FILIP1L: variants seen among roughly 807,000 people sequenced by gnomAD.
The protein encoded by FILIP1L is filamin A interacting protein 1 like.
A neutral mutation model predicts 96.6 loss-of-function variants in FILIP1L; 55 were observed. That is an observed-to-expected ratio of 0.57 (90% CI 0.46 to 0.71). The LOEUF (loss-of-function observed/expected upper bound fraction) is 0.71, where lower values mean the gene tolerates loss of function less well. Ranked by LOEUF, FILIP1L falls within the 30% of genes least tolerant of loss-of-function variation. The pLI, the probability that FILIP1L is intolerant of heterozygous loss-of-function variation, is 0.00. For synonymous variants in FILIP1L, 467 were observed against 473.9 expected (o/e 0.99, Z 0.19); for missense variants, 1,304 against 1,321.2 (o/e 0.99, Z 0.20).
intron 1 of FILIP1L, among the ~76,000 whole-genome samples, chr3:100,078,915 A>G (rs979963618): frequency 6.6e-6 from 1 of 152,106 alleles, no homozygotes; most frequent in African/African-American, 2.4e-5. Flanking sequence ...AAAAGATTGC[A>G]AAAAATCTCA....
chr3:100,070,034 G>T (rs1007348808), intron 1 of FILIP1L, among the ~76,000 whole-genome samples: 2 of 151,946 alleles, frequency 1.3e-5, no homozygotes, highest in East Asian at 3.9e-4. Flanking sequence ...AAACTCATGC[G>T]TTAAAAATTA....
At chr3:99,984,936 A>C (rs944178711) in intron 1 of FILIP1L, among the ~76,000 whole-genome samples, 1 of 152,218 alleles carries the variant, frequency 6.6e-6, no homozygotes, top group Non-Finnish European at 1.5e-5. Flanking sequence ...CCCAGGTTAA[A>C]TAAACTGAGG....
intron 1 of FILIP1L, among the ~76,000 whole-genome samples, chr3:100,032,414 T>C (rs1349840719): frequency 6.6e-6 from 1 of 152,184 alleles, no homozygotes; most frequent in East Asian, 1.9e-4. Flanking sequence ...GAGCTTGCCA[T>C]AAGGTATGCA....
chr3:99,961,242 A>G (rs4075038), intron 1 of FILIP1L, among the ~76,000 whole-genome samples: 123,895 of 152,172 alleles, frequency 0.81, 50,766 homozygotes, highest in African/African-American at 0.91. Flanking sequence ...TGCCTCTTGC[A>G]GGTGTTATCC....
chr3:99,894,094 G>A (rs530568351), intron 4 of FILIP1L, among the ~76,000 whole-genome samples: 10 of 152,260 alleles, frequency 6.6e-5, no homozygotes, highest in African/African-American at 2.4e-4. Flanking sequence ...GATACTCAAA[G>A]TTTTTTTGTG....
At chr3:99,998,666 G>C (rs531404800) in intron 1 of FILIP1L, among the ~76,000 whole-genome samples, 2 of 152,102 alleles carry the variant, frequency 1.3e-5, no homozygotes, top group Non-Finnish European at 2.9e-5. Flanking sequence ...GGGTTCACGC[G>C]ATTCTCCCGC....
At chr3:99,871,670 G>T (rs1944792908) in intron 4 of FILIP1L, among the ~76,000 whole-genome samples, 1 of 152,144 alleles carries the variant, frequency 6.6e-6, no homozygotes, top group Non-Finnish European at 1.5e-5. Context: ...GATCCTGCTA[G>T]CTGCGGACGT....
intron 1 of FILIP1L, among the ~76,000 whole-genome samples, chr3:99,937,158 G>A (rs953575531): frequency 3.3e-5 from 5 of 151,738 alleles, no homozygotes; most frequent in Non-Finnish European, 5.9e-5. Context: ...GGCTGGTCTC[G>A]AACTCCTGAC....
chr3:99,918,299 T>A (rs1312134259), intron 4 of FILIP1L, among the ~76,000 whole-genome samples: 1 of 152,134 alleles, frequency 6.6e-6, no homozygotes. Context: ...ACCAGAAAAC[T>A]AAAGATTTGA....
In FILIP1L at chr3:99,848,438, G is replaced by A; in HGVS notation, c.3238C>T (p.Pro1080Ser). The change falls in exon 5 of 6, where the codon CCT becomes TCT. Residue 1080 changes from proline (P) to serine (S), a missense_variant. Coordinates refer to ENST00000477258, the MANE Select transcript of FILIP1L (RefSeq NM_001387850.1). ...TGCAGTGGTGCTGAAGGGCTGGCAG[G>A]TCTCACAGGGCTGGCTACAGCTTGC... ...YMQAVASPVR[P>S]ASPSAPLQDN... The A allele has an allele frequency of 1.2e-6, 2 of 1,614,182 alleles. No individual in the cohort carries two copies. Among genetic ancestry groups the A allele is most frequent in the Non-Finnish European group, 1.7e-6 (2 of 1,180,012 alleles).
At chr3:99,933,876 T>G (rs1307091154) in intron 1 of FILIP1L, among the ~76,000 whole-genome samples, 1 of 152,244 alleles carries the variant, frequency 6.6e-6, no homozygotes, top group Non-Finnish European at 1.5e-5. Flanking sequence ...CTCAGGTACA[T>G]GTTAGTGTTT....
rs746954742 is a variant in FILIP1L, at chr3:99,982,410, G to A, written c.-10-51380C>T. Among the ~76,000 whole-genome samples the A allele has an allele frequency of 2.2e-4, 33 of 152,056 alleles. 1 individual carries two copies. The South Asian group carries it at 3.3e-3, about 15-fold the overall frequency. ...GCTAGCATGTAGTGGCGCATTCATG[G>A]CTCAAACCCATCGTCAGCCTCCTGG... On this transcript the variant is annotated intron_variant, in intron 1 of 5. Transcript: ENST00000477258.
chr3:99,900,562 C>A (rs760870993), intron 4 of FILIP1L, among the ~76,000 whole-genome samples: 1 of 152,146 alleles, frequency 6.6e-6, no homozygotes, highest in East Asian at 1.9e-4. Flanking sequence ...ATACCTTTAG[C>A]CCTATGTTAT....
chr3:99,966,915 A>G (rs1341308703), intron 1 of FILIP1L, among the ~76,000 whole-genome samples: 1 of 152,336 alleles, frequency 6.6e-6, no homozygotes, highest in East Asian at 1.9e-4. Context: ...AGTCTGGGTG[A>G]AAATAGATGG....
intron 1 of FILIP1L, among the ~76,000 whole-genome samples, chr3:100,019,854 C>T (rs959712712): frequency 2.0e-5 from 3 of 151,986 alleles, no homozygotes; most frequent in Non-Finnish European, 4.4e-5. Context: ...ATGTACTTGG[C>T]ATGTATGGAA....
chr3:99,971,664 T>G (rs1708826422), intron 1 of FILIP1L, among the ~76,000 whole-genome samples: 1 of 152,222 alleles, frequency 6.6e-6, no homozygotes, highest in Non-Finnish European at 1.5e-5. Context: ...GAACTGTGGC[T>G]TTAGACCTGC....
chr3:100,058,650 A>G (rs2065506973), intron 1 of FILIP1L, among the ~76,000 whole-genome samples: 1 of 152,092 alleles, frequency 6.6e-6, no homozygotes, highest in Admixed American at 6.5e-5. Context: ...CAAGCACCTC[A>G]CCACAAACTG....
intron 1 of FILIP1L, among the ~76,000 whole-genome samples, chr3:100,060,775 T>C (rs541595450): frequency 1.3e-5 from 2 of 152,198 alleles, no homozygotes; most frequent in South Asian, 2.1e-4. Context: ...GGTGGGAGGA[T>C]AACGAGCGTG....
intron 5 of FILIP1L, among the ~76,000 whole-genome samples, chr3:99,833,587 A>C (rs1942775696): frequency 6.6e-6 from 1 of 152,256 alleles, no homozygotes; most frequent in South Asian, 2.1e-4. Context: ...AGCTGGAGTC[A>C]GGATGTTTCC....
Sources: allele counts gnomAD v4.1 joint callset (sites outside exome capture counted in the v4.1 genomes callset), GRCh38; gene constraint gnomAD v4.1.1; transcripts MANE v1.5; gene names NCBI Gene and HGNC (gene_info 2026-07-23, HGNC 2026-07-21).